KANSL1L: variants seen among roughly 807,000 people sequenced by gnomAD.
KANSL1L encodes the protein KAT8 regulatory NSL complex subunit 1-like protein.
A neutral mutation model predicts 108.6 loss-of-function variants in KANSL1L; 25 were observed. That is an observed-to-expected ratio of 0.23 (90% CI 0.17 to 0.32). The LOEUF is 0.32. Ranked by LOEUF, KANSL1L falls within the 10% of genes least tolerant of loss-of-function variation. The pLI is 1.00. For missense variants in KANSL1L, 1,137 were observed against 1,125.7 expected (o/e 1.01, Z -0.14); for synonymous variants, 405 against 395.1 (o/e 1.03, Z -0.30).
intron 8 of KANSL1L, among the ~76,000 whole-genome samples, chr2:210,038,656 C>G (rs977884763): frequency 1.3e-5 from 2 of 151,810 alleles, no homozygotes; most frequent in African/African-American, 4.8e-5. Context: ...TAATGTTCAT[C>G]CACCTTAAAT....
At chr2:210,132,015 G>GA (rs1439296269) in intron 2 of KANSL1L, among the ~76,000 whole-genome samples, 2 of 152,096 alleles carry the variant, frequency 1.3e-5, no homozygotes, top group African/African-American at 4.8e-5. Context: ...ATTTTCTGTA[G>GA]AGGGTAACTT....
At chr2:210,115,402 A>G (rs920765542) in intron 3 of KANSL1L, among the ~76,000 whole-genome samples, 3 of 152,222 alleles carry the variant, frequency 2.0e-5, no homozygotes, top group Non-Finnish European at 4.4e-5. Context: ...CTAAATTCCT[A>G]TGTTTATAGG....
At chr2:210,155,992 T>G (rs984146279) in intron 1 of KANSL1L, among the ~76,000 whole-genome samples, 9 of 152,062 alleles carry the variant, frequency 5.9e-5, no homozygotes, top group Admixed American at 3.3e-4. Flanking sequence ...GCACAACAAT[T>G]TCTATGTAAT....
intron 2 of KANSL1L, among the ~76,000 whole-genome samples, chr2:210,139,184 C>T (rs530373854): frequency 1.3e-5 from 2 of 152,286 alleles, no homozygotes; most frequent in East Asian, 3.9e-4. Context: ...GTAAGTTGAG[C>T]CATCATAAGT....
At chr2:210,076,329 C>T (rs1440838614) in intron 5 of KANSL1L, among the ~76,000 whole-genome samples, 1 of 152,054 alleles carries the variant, frequency 6.6e-6, no homozygotes. Context: ...TTATAGGCAC[C>T]TGCCATCATG....
chr2:210,095,368 T>A (rs1440321743), intron 5 of KANSL1L, among the ~76,000 whole-genome samples: 2 of 152,018 alleles, frequency 1.3e-5, no homozygotes, highest in Non-Finnish European at 2.9e-5. Context: ...CACTCTTACC[T>A]CTTTCTCCAT....
intron 5 of KANSL1L, among the ~76,000 whole-genome samples, chr2:210,083,085 T>C (rs2094602907): frequency 6.6e-6 from 1 of 152,122 alleles, no homozygotes. Flanking sequence ...AAGAATGCCA[T>C]GTAAAGATAG....
chr2:210,149,471 A>G (rs1394145993), intron 2 of KANSL1L, among the ~76,000 whole-genome samples: 3 of 152,120 alleles, frequency 2.0e-5, no homozygotes, highest in African/African-American at 7.2e-5. Flanking sequence ...GAACCAAAAA[A>G]TGCATCTGTT....
chr2:210,078,052 T>C (rs1227286105), intron 5 of KANSL1L, among the ~76,000 whole-genome samples: 1 of 152,228 alleles, frequency 6.6e-6, no homozygotes, highest in Non-Finnish European at 1.5e-5. Context: ...TAAAGCCTAT[T>C]ACACACCTAG....
chr2:210,045,409 T>C (rs2094213204), intron 6 of KANSL1L, among the ~76,000 whole-genome samples: 1 of 152,220 alleles, frequency 6.6e-6, no homozygotes, highest in African/African-American at 2.4e-5. Context: ...TACTAGGACA[T>C]TAGAACTCCA....
At chr2:210,133,458 A>G (rs1204440633) in intron 2 of KANSL1L, among the ~76,000 whole-genome samples, 2 of 152,062 alleles carry the variant, frequency 1.3e-5, no homozygotes, top group East Asian at 1.9e-4. Context: ...ATCTATAGTG[A>G]TATTTTTCCT....
At chr2:210,069,033 C>G (rs1039402927) in intron 6 of KANSL1L, among the ~76,000 whole-genome samples, 1 of 152,162 alleles carries the variant, frequency 6.6e-6, no homozygotes, top group Non-Finnish European at 1.5e-5. Context: ...CAGCTCCTTA[C>G]TCACTTTATC....
intron 2 of KANSL1L, among the ~76,000 whole-genome samples, chr2:210,134,088 A>G (rs1374045563): frequency 6.6e-6 from 1 of 152,158 alleles, no homozygotes; most frequent in African/African-American, 2.4e-5. Context: ...CACTTTAAAT[A>G]TATCATTCCA....
At chr2:210,114,871 A>G (rs1388700828) in intron 3 of KANSL1L, among the ~76,000 whole-genome samples, 5 of 152,116 alleles carry the variant, frequency 3.3e-5, no homozygotes, top group Non-Finnish European at 5.9e-5. Context: ...AATTCAAATT[A>G]TAATGTAATA....
chr2:210,160,242 G>C (rs1230534064), intron 1 of KANSL1L, among the ~76,000 whole-genome samples: 2 of 152,132 alleles, frequency 1.3e-5, no homozygotes, highest in Non-Finnish European at 2.9e-5. Flanking sequence ...AATTAATGGT[G>C]AAAGACTGAA....
Position 210,025,110 on chromosome 2 carries a change from T to C in KANSL1L, c.2558A>G (p.Asn853Ser), listed in dbSNP as rs778292831. The change falls in exon 13 of 15, where the codon AAC becomes AGC. Residue 853 changes from asparagine to serine, a missense_variant. Coordinates refer to ENST00000281772, the MANE Select transcript of KANSL1L (RefSeq NM_152519.4). ...TTTTAAATTTGTAACCTGCCTGCTG[T>C]TTCTTCTGTGCCACTTGCTTTGCTC... is the stretch of plus-strand genomic sequence containing the variant. ...LWEQSKWHRR[N>S]SRAYSKNVEG... 5.6e-6 allele frequency: 9 copies of C among 1,600,736 alleles called. No individual in the cohort carries two copies. Among genetic ancestry groups the C allele is most frequent in the Non-Finnish European group, 7.7e-6 (9 of 1,167,802 alleles).
At chr2:210,064,259 T>A (rs937230501) in intron 6 of KANSL1L, 1 of 152,196 alleles carries the variant, frequency 6.6e-6, no homozygotes, top group Non-Finnish European at 1.5e-5. Context: ...GTTTCAGGTA[T>A]GTCTTTATCA....
chr2:210,028,314 C>T (rs2093964982), intron 11 of KANSL1L: 2 of 152,318 alleles, frequency 1.3e-5, no homozygotes, highest in Admixed American at 1.3e-4. Context: ...ATACCTTCTC[C>T]ACCTTCCCAT....
chr2:210,081,199 T>G (rs552822515), intron 5 of KANSL1L, among the ~76,000 whole-genome samples: 1 of 152,258 alleles, frequency 6.6e-6, no homozygotes, highest in South Asian at 2.1e-4. Flanking sequence ...GTCCTCAACC[T>G]TGACCCAAAT....
Sources: gnomAD v4.1 joint callset for allele counts (sites outside exome capture counted in the v4.1 genomes callset) on GRCh38, gnomAD v4.1.1 for gene constraint, MANE v1.5 for transcripts, NCBI Gene and HGNC (gene_info 2026-07-23, HGNC 2026-07-21) for gene names.